Variants in LCN12 observed in about 807,000 individuals in gnomAD.
LCN12 encodes epididymal-specific lipocalin-12.
A neutral mutation model predicts 23.7 loss-of-function variants in LCN12; 15 were observed. The ratio of observed to expected loss-of-function variants is 0.63; its 90% CI spans 0.42 to 0.97. The LOEUF (loss-of-function observed/expected upper bound fraction) is 0.97, where lower values mean the gene tolerates loss of function less well. Among genes scored for constraint, LCN12 ranks in the 50% least tolerant of loss-of-function variants. The pLI is 0.00. For missense variants in LCN12, 219 were observed against 249.6 expected, an observed-to-expected ratio of 0.88 and a Z score of 0.83; for synonymous variants, 116 against 111.5, an observed-to-expected ratio of 1.04 and a Z score of -0.25.
At chr9:136,954,003 T>G (rs1221663495) in intron 4 of LCN12, 39 bp downstream of exon 4, 2 of 1,594,452 alleles carry the variant, frequency 1.3e-6, no homozygotes, top group Non-Finnish European at 1.7e-6. Flanking sequence ...TGTGTGGCCC[T>G]GGAGGCACCT....
chr9:136,953,636 G>T, intron 2 of LCN12, 64 bp from the exon 3 acceptor site: 2 of 1,251,674 alleles, frequency 1.6e-6, no homozygotes, highest in South Asian at 1.5e-5. Context: ...CTCCTGAGGG[G>T]CCCACCTCAG....
At chr9:136,949,794 G>A (rs2131371227), upstream of LCN12, 1 of 152,446 alleles carries the variant, frequency 6.6e-6, no homozygotes, top group Admixed American at 6.5e-5. Context: ...GAGGCCCCAG[G>A]GACCGGTCCC....
chr9:136,952,850 A>C, intron 1 of LCN12, 42 bp from the exon 2 acceptor site: 90 of 1,590,128 alleles, frequency 5.7e-5, no homozygotes, highest in Non-Finnish European at 7.4e-5. Flanking sequence ...GCCCACTGCC[A>C]CCCCTGCCCA....
chr9:136,952,856 G>GC, intron 1 of LCN12, 36 bp from the exon 2 acceptor site: 119 of 1,516,954 alleles, frequency 7.8e-5, no homozygotes, highest in Non-Finnish European at 9.9e-5. Flanking sequence ...TGCCACCCCT[G>GC]CCCACCGCCG....
At chr9:136,952,828 GC>G (rs1217467312) in intron 1 of LCN12, 63 bp from the exon 2 acceptor site, 1 of 1,569,998 alleles carries the variant, frequency 6.4e-7, no homozygotes, top group Non-Finnish European at 8.6e-7. Flanking sequence ...GCGGGAGGGG[GC>G]TCCTGACCCT....
chr9:136,955,281 G>A, intron 5 of LCN12, 90 bp from the exon 6 acceptor site: 1 of 1,542,806 alleles, frequency 6.5e-7, no homozygotes, highest in Non-Finnish European at 8.8e-7. Context: ...GAAGCCACCT[G>A]CCCCTCCTTT....
chr9:136,955,357 A>T lies in LCN12; in HGVS notation c.551-14A>T. 6.2e-7 allele frequency: 1 copy of T among 1,611,018 alleles called. No individual in the cohort carries two copies. Among genetic ancestry groups the T allele is most frequent in the Non-Finnish European group, 8.5e-7 (1 of 1,178,610 alleles). On this transcript the variant is annotated splice_polypyrimidine_tract_variant and intron_variant, in intron 5 of 5. Transcript: ENST00000371633. ...CCCCTTTGTCCTCCATCCCGACTCC[A>T]TCTCCCCCACCAGGCTGGTCACCCC...
chr9:136,953,249 G>T (rs528812302), intron 2 of LCN12, among the ~76,000 whole-genome samples: 2 of 151,980 alleles, frequency 1.3e-5, no homozygotes, highest in East Asian at 1.9e-4. Context: ...GGCCGGGTGC[G>T]CTGGCTCACA....
chr9:136,952,317 C>T lies in LCN12; in HGVS notation c.-11C>T. 1 of 1,594,994 alleles carries T rather than the reference C, an allele frequency of 6.3e-7. No individual in the cohort carries two copies. On this transcript the variant is annotated 5_prime_UTR_variant, in exon 1 of 6. It introduces an in-frame stop codon into an upstream open reading frame of the 5' UTR. Transcript: ENST00000371633. ...CTTCTCTCTGTCCCTGTGGGCCCAG[C>T]AGCTGCCAGGATGAGGCTGCTGTGT...
At chr9:136,953,110 A>C in intron 2 of LCN12, 82 bp downstream of exon 2, 4 of 1,566,436 alleles carry the variant, frequency 2.6e-6, no homozygotes, top group Non-Finnish European at 3.5e-6. Flanking sequence ...CAGGTGCGCC[A>C]TGGGCCCTGT....
Position 136,955,476 on chromosome 9 carries a change from G to A in LCN12, c.*77G>A, listed in dbSNP as rs1232309834. The A allele has an allele frequency of 1.4e-5, 20 of 1,459,264 alleles. No individual in the cohort carries two copies. Among genetic ancestry groups the A allele is most frequent in the Admixed American group, 1.7e-5 (1 of 58,194 alleles). The allele number at this position is 1,459,264 out of a possible 1,614,324, so 90.4% of individuals were successfully genotyped here. A position where few individuals can be genotyped will look rare whatever the true frequency, so the allele number is the denominator to read the frequency against. Reference sequence around the variant, plus strand: ...TCTGCCCTCCTCAGCTCTCAAACCTGAATAAATGCACCAAGCCCAGAGCCC... The same window carrying A: ...TCTGCCCTCCTCAGCTCTCAAACCTAAATAAATGCACCAAGCCCAGAGCCC... On this transcript the variant is annotated 3_prime_UTR_variant, in exon 6 of 6. Coordinates refer to ENST00000371633, the MANE Select transcript of LCN12 (RefSeq NM_178536.4).
chr9:136,954,451 T>G, intron 5 of LCN12, 196 bp downstream of exon 5: 3 of 706,714 alleles, frequency 4.2e-6, no homozygotes, highest in South Asian at 3.0e-5. Context: ...CCGGGTCCCC[T>G]GTCCTGGGCC....
In LCN12 at chr9:136,953,703, C is replaced by A; in HGVS notation, c.255C>A (p.Gly85=). ...CTCCACCTGTCCCCTCCTACAGAGGCCAGCACTGTGACACATGGTCTTATG... is the reference window on the plus strand; with the variant it reads ...CTCCACCTGTCCCCTCCTACAGAGGACAGCACTGTGACACATGGTCTTATG... ...RFEVWNAMTR[G]QHCDTWSYVL... is the part of the protein sequence containing the mutation. Residue 85 remains glycine (G), a synonymous_variant, in exon 3 of 6, where the codon GGC becomes GGA. Coordinates refer to ENST00000371633, the MANE Select transcript of LCN12 (RefSeq NM_178536.4). The A allele has an allele frequency of 1.9e-6, 3 of 1,589,144 alleles. No individual in the cohort carries two copies. Among genetic ancestry groups the A allele is most frequent in the Non-Finnish European group, 2.6e-6 (3 of 1,167,318 alleles).
At position 136,952,430 on chromosome 9, in the gene LCN12, C is replaced by A; in HGVS notation, c.103C>A (p.Gln35Lys). Reference sequence around the variant, plus strand: ...ACTCCCGCCCCCGATGCAGAGCTTCCAAGGAAACCAGGTACAGGGGTTTTG... The same window carrying A: ...ACTCCCGCCCCCGATGCAGAGCTTCAAAGGAAACCAGGTACAGGGGTTTTG... The part of the protein sequence containing the change: ...LPLPPPMQSF[Q>K]GNQFQGEWFV... The change falls in exon 1 of 6, where the codon CAA becomes AAA. Residue 35 changes from glutamine to lysine, a missense_variant. Coordinates refer to ENST00000371633, the MANE Select transcript of LCN12 (RefSeq NM_178536.4). 6.2e-7 allele frequency: 1 copy of A among 1,608,750 alleles called. No homozygotes were observed. Among genetic ancestry groups the A allele is most frequent in the Non-Finnish European group, 8.5e-7 (1 of 1,175,584 alleles).
intron 2 of LCN12, chr9:136,953,374 GC>G: frequency 2.1e-5 from 2 of 94,422 alleles, no homozygotes; most frequent in Non-Finnish European, 3.9e-5. Flanking sequence ...TGGGGGCCGG[GC>G]GCGGTCGCGC....
chr9:136,952,444 A>G lies in LCN12; in HGVS notation c.114+3A>G, dbSNP rs757209661. 174 of 1,598,166 alleles carry G rather than the reference A, an allele frequency of 1.1e-4. 1 individual carries two copies. The highest frequency in any genetic ancestry group is 6.6e-4 in the Middle Eastern group (4 of 6,048). On this transcript the variant is annotated splice_donor_region_variant and intron_variant, in intron 1 of 5. Transcript: ENST00000371633. ...TGCAGAGCTTCCAAGGAAACCAGGT[A>G]CAGGGGTTTTGACGGAAGGAGAAGC...
At chr9:136,952,768 G>T in intron 1 of LCN12, 124 bp from the exon 2 acceptor site, 1 of 1,166,804 alleles carries the variant, frequency 8.6e-7, no homozygotes. Flanking sequence ...CCTGGCGCCG[G>T]CCCAGCCAGG....
chr9:136,955,884 G>A (rs1272651782), downstream of LCN12, among the ~76,000 whole-genome samples: 1 of 152,192 alleles, frequency 6.6e-6, no homozygotes, highest in Non-Finnish European at 1.5e-5. Flanking sequence ...GGCAGCGGCT[G>A]TTCTGTCAGG....
chr9:136,951,516 A>C (rs1588471724), upstream of LCN12: 1 of 152,358 alleles, frequency 6.6e-6, no homozygotes, highest in African/African-American at 2.4e-5. Flanking sequence ...TGGCCCCCCA[A>C]AGTGCTGGGA....
Sources: allele counts gnomAD v4.1 joint callset (sites outside exome capture counted in the v4.1 genomes callset), GRCh38; gene constraint gnomAD v4.1.1; transcripts MANE v1.5; gene names NCBI Gene and HGNC (gene_info 2026-07-23, HGNC 2026-07-21).